The following PRKD2 variants were observed in gnomAD, a reference collection of about 807,000 sequenced individuals.
The protein encoded by PRKD2 is protein kinase D2, also known as serine/threonine-protein kinase D2.
In PRKD2, 22 loss-of-function variants were observed where a neutral mutation model predicts 86.0. The ratio of observed to expected loss-of-function variants is 0.26; its 90% confidence interval spans 0.18 to 0.37. PRKD2 has a LOEUF of 0.37. Ranked by LOEUF, PRKD2 falls within the 10% of genes least tolerant of loss-of-function variation. The pLI is 1.00. For synonymous variants in PRKD2, 509 were observed against 510.9 expected (o/e 1.00, Z 0.05); for missense variants, 818 against 1,199.2 (o/e 0.68, Z 4.70).
Position 46,716,424 on chromosome 19 carries a change from G to T in PRKD2, c.-54C>A, listed in dbSNP as rs1156354020. ...AGCCCACCCGGGACCCGGCCGGGGG[G>T]CCCCGGGGGACCCTGGGTTCTAGAT... On this transcript the variant is annotated 5_prime_UTR_variant, in exon 1 of 18. Transcript: ENST00000291281. This position sits in a 1 kb window ranked among gnomAD's most constrained non-coding sequence, Gnocchi z 7.9. 8.5e-7 allele frequency: 1 copy of T among 1,177,902 alleles called. No homozygotes were observed. The highest frequency in any genetic ancestry group is 1.1e-6 in the Non-Finnish European group (1 of 882,968). The allele number at this position is 1,177,902 out of a possible 1,614,324, so 73.0% of individuals were successfully genotyped here.
chr19:46,697,303 G>A (rs1045115222), intron 8 of PRKD2, 69 bp from the exon 9 acceptor site: 21 of 1,218,244 alleles, frequency 1.7e-5, no homozygotes, highest in Non-Finnish European at 2.5e-5. Context: ...CCGTGGAGCT[G>A]CTTGGGGCTC....
At chr19:46,706,385 C>T (rs1382164248) in intron 3 of PRKD2, among the ~76,000 whole-genome samples, 1 of 152,220 alleles carries the variant, frequency 6.6e-6, no homozygotes, top group Admixed American at 6.6e-5. Flanking sequence ...ATTGTAGGCA[C>T]TGTCTTGGCT....
At chr19:46,703,645 G>A (rs566034155) in intron 5 of PRKD2, among the ~76,000 whole-genome samples, 21 of 152,032 alleles carry the variant, frequency 1.4e-4, no homozygotes, top group South Asian at 8.3e-4. Context: ...GGTGGCGGGC[G>A]CCTGTAGTCC....
chr19:46,713,877 T>C lies in PRKD2; in HGVS notation c.365A>G (p.Glu122Gly), dbSNP rs1599845460. 1 of 1,263,424 alleles carries C rather than the reference T, an allele frequency of 7.9e-7. No homozygotes were observed. Among genetic ancestry groups the C allele is most frequent in the Non-Finnish European group, 1.0e-6 (1 of 973,518 alleles). 78.3% of individuals were successfully genotyped at this position (1,263,424 alleles called of 1,614,324 possible). Reference sequence around the variant, plus strand: ...CCACCTCTCACCCGACAGCACCACCTCCACCAGGTCGCCCTCCTGGATGTC... The same window carrying C: ...CCACCTCTCACCCGACAGCACCACCCCCACCAGGTCGCCCTCCTGGATGTC... The part of the protein sequence containing the change: ...SGDIQEGDLV[E>G]VVLSASATFE... Residue 122 changes from glutamate (E) to glycine (G), a missense_variant, in exon 2 of 18, where the codon GAG (glutamate) becomes GGG (glycine). Coordinates refer to ENST00000291281, the MANE Select transcript of PRKD2 (RefSeq NM_016457.5).
chr19:46,702,289 C>T (rs1317925332), intron 5 of PRKD2, among the ~76,000 whole-genome samples: 2 of 152,004 alleles, frequency 1.3e-5, no homozygotes, highest in Non-Finnish European at 2.9e-5. Context: ...ATCCACCCAC[C>T]TAAGCCTCCC....
In PRKD2 at chr19:46,716,218, G is replaced by C. The variant is rs200962415; in HGVS notation, c.153C>G (p.Ile51Met). The change falls in exon 1 of 18, where the codon ATC becomes ATG. Residue 51 changes from isoleucine (I) to methionine (M), a missense_variant. Ile to Met is a conservative substitution (Grantham distance 10). This residue lies in a region of PRKD2 where 403 missense variants were observed against 518.6 expected (regional missense o/e 0.78). Coordinates refer to ENST00000291281, the MANE Select transcript of PRKD2 (RefSeq NM_016457.5). The surrounding 1 kb of genome is among the most constrained non-coding windows in gnomAD (Gnocchi z 7.9). ...ACAGCACGAACTCGCGGGTCAGCCC[G>C]ATCTGGATGTGAAAGGAGACCCCGG... Reference protein sequence around the residue: ...PGSGVSFHIQIGLTREFVLLP... With the variant: ...PGSGVSFHIQMGLTREFVLLP... The C allele has an allele frequency of 6.2e-7, 1 of 1,609,878 alleles. No individual in the cohort carries two copies. The highest frequency in any genetic ancestry group is 8.5e-7 in the Non-Finnish European group (1 of 1,178,780).
At position 46,674,703 on chromosome 19, in the gene PRKD2, C is replaced by T. The variant is rs764613333; in HGVS notation, c.2457G>A (p.Leu819=). 203 of 1,605,680 alleles carry T rather than the reference C, an allele frequency of 1.3e-4. No homozygotes were observed. Among genetic ancestry groups the T allele is most frequent in the Non-Finnish European group, 1.7e-4 (202 of 1,179,940 alleles). Residue 819 remains leucine, a synonymous_variant, in exon 18 of 18, where the codon CTG becomes CTA. Coordinates refer to ENST00000291281, the MANE Select transcript of PRKD2 (RefSeq NM_016457.5). ...EYQTWLDLRE[L]EGKMGERYIT... ...TGTATCGCTCTCCCATCTTCCCCTC[C>T]AGCTCTCGGAGGTCCAGCCACGTCT... is the stretch of plus-strand genomic sequence containing the variant.
chr19:46,715,809 G>A (rs776099708), intron 1 of PRKD2, among the ~76,000 whole-genome samples: 15 of 152,018 alleles, frequency 9.9e-5, no homozygotes, highest in Non-Finnish European at 2.1e-4. Flanking sequence ...GGACGTGGAG[G>A]TCCGCCGACA....
Position 46,713,971 on chromosome 19 carries a change from C to T in PRKD2, c.271G>A (p.Asp91Asn), listed in dbSNP as rs764480251. The T allele has an allele frequency of 6.2e-7, 1 of 1,613,534 alleles. No individual in the cohort carries two copies. Among genetic ancestry groups the T allele is most frequent in the South Asian group, 1.1e-5 (1 of 91,068 alleles). ...TCATGTTTGAAAAGCAGGATCTTGT[C>T]GTAAAGGCCGTAGAAGCCACACTCA... ...FPECGFYGLY[D>N]KILLFKHDPT... The change falls in exon 2 of 18, where the codon GAC (aspartate) becomes AAC (asparagine). Residue 91 changes from aspartate (D) to asparagine (N), a missense_variant. Transcript: ENST00000291281.
At chr19:46,683,824 C>T (rs2053352701) in intron 14 of PRKD2, among the ~76,000 whole-genome samples, 3 of 152,036 alleles carry the variant, frequency 2.0e-5, no homozygotes, top group Non-Finnish European at 4.4e-5. Flanking sequence ...TTAGCTGTTA[C>T]TGTTGTTGTT....
Position 46,674,617 on chromosome 19 carries a change from C to A in PRKD2, c.2543G>T (p.Gly848Val). ...EQFAAEHPLPGSGLPTDRDLG... is the reference protein window; with the variant it reads ...EQFAAEHPLPVSGLPTDRDLG... ...ATCCCTGTCCGTGGGCAGCCCAGAC[C>A]CAGGCAGCGGATGCTCTGCTGCAAA... The change falls in exon 18 of 18, where the codon GGG becomes GTG. Residue 848 changes from glycine (G) to valine (V), a missense_variant. Gly to Val is a moderately radical substitution (Grantham distance 109, BLOSUM62 -3). Around this residue, in one of 5 missense-constraint regions of PRKD2, gnomAD observed 132 missense variants for 146.2 expected, o/e 0.90. Transcript: ENST00000291281. 1.9e-6 allele frequency: 3 copies of A among 1,609,618 alleles called. No individual in the cohort carries two copies. The highest frequency in any genetic ancestry group is 2.2e-5 in the East Asian group (1 of 44,856).
At position 46,700,832 on chromosome 19, in the gene PRKD2, T is replaced by A. The variant is rs140335932; in HGVS notation, c.1088A>T (p.Glu363Val). 8 of 1,614,226 alleles carry A rather than the reference T, an allele frequency of 5.0e-6. No individual in the cohort carries two copies. The highest frequency in any genetic ancestry group is 6.8e-6 in the Non-Finnish European group (8 of 1,180,026). The change falls in exon 7 of 18, where the codon GAG becomes GTG. Residue 363 changes from glutamate (E) to valine (V), a missense_variant. Around this residue, in one of 5 missense-constraint regions of PRKD2, gnomAD observed 403 missense variants for 518.6 expected, o/e 0.78. Coordinates refer to ENST00000291281, the MANE Select transcript of PRKD2 (RefSeq NM_016457.5). ...CTTGCCTCCCTCGCCTTCCTCCTCC[T>A]CACTGGCGTGGAGCGCATTCTCTGA... ...SHSENALHAS[E>V]EEEGEGGKAQ...
intron 12 of PRKD2, among the ~76,000 whole-genome samples, chr19:46,691,182 C>G (rs565964651): frequency 2.6e-5 from 4 of 152,138 alleles, no homozygotes; most frequent in Admixed American, 2.6e-4. Context: ...CCCATACAAT[C>G]AGAATCTAGG....
chr19:46,686,118 G>A (rs2053392789), intron 14 of PRKD2: 1 of 152,146 alleles, frequency 6.6e-6, no homozygotes, highest in South Asian at 2.1e-4. Flanking sequence ...AGATGTCTCA[G>A]AAGAAGGCAA....
At chr19:46,698,310 G>A (rs2053589906) in intron 7 of PRKD2, among the ~76,000 whole-genome samples, 1 of 152,042 alleles carries the variant, frequency 6.6e-6, no homozygotes, top group Non-Finnish European at 1.5e-5. Context: ...AGATCCATCC[G>A]CCTCGGCCTC....
At chr19:46,675,223 C>A (rs761546749) in intron 16 of PRKD2, 105 bp from the exon 17 acceptor site, 9 of 932,114 alleles carry the variant, frequency 9.7e-6, no homozygotes, top group Non-Finnish European at 1.2e-5. Context: ...CTTCCTTCTG[C>A]ACCAGCTCAG....
At position 46,702,365 on chromosome 19, in the gene PRKD2, A is replaced by T. The variant is rs532827300; in HGVS notation, c.890-1253T>A. On this transcript the variant is annotated intron_variant, in intron 5 of 17. Transcript: ENST00000291281. The stretch of plus-strand genomic sequence containing the variant: ...TGATTCCGTATTTCTAAGGCTTCAG[A>T]GTTTGATGTCCAAGTTTCTAGAACT... 1.1e-4 allele frequency among the ~76,000 whole-genome samples: 16 copies of T among 152,168 alleles called. No individual in the cohort carries two copies. In the South Asian group the frequency reaches 3.3e-3, roughly 32 times the overall value.
At chr19:46,700,292 G>A (rs897108310) in intron 7 of PRKD2, among the ~76,000 whole-genome samples, 3 of 152,054 alleles carry the variant, frequency 2.0e-5, no homozygotes, top group Non-Finnish European at 2.9e-5. Context: ...GGGAGGCTGA[G>A]GCAGGAGGAT....
At position 46,678,258 on chromosome 19, in the gene PRKD2, G is replaced by A. The variant is rs1599808022; in HGVS notation, c.2338+138C>T. On this transcript the variant is annotated intron_variant, in intron 16 of 17. Transcript: ENST00000291281. The surrounding 1 kb of genome is among the most constrained non-coding windows in gnomAD (Gnocchi z 5.7). ...CTCCTCCTGTAGCCACATCCCTCCAGTAGGCCCGCCCCAGCACTGGGCTCC... is the reference window on the plus strand; with the variant it reads ...CTCCTCCTGTAGCCACATCCCTCCAATAGGCCCGCCCCAGCACTGGGCTCC... 3 of 1,345,284 alleles carry A rather than the reference G, an allele frequency of 2.2e-6. No homozygotes were observed. The African/African-American group carries it at 4.3e-5, about 19-fold the overall frequency. 83.3% of individuals were successfully genotyped at this position (1,345,284 alleles called of 1,614,324 possible).
Sources: gnomAD v4.1 joint callset for allele counts (sites outside exome capture counted in the v4.1 genomes callset) on GRCh38, gnomAD v4.1.1 for gene constraint, gnomAD v4.1.1 regional missense constraint, Gnocchi (gnomAD v3.1) non-coding constraint, MANE v1.5 for transcripts, NCBI Gene and HGNC (gene_info 2026-07-23, HGNC 2026-07-21) for gene names.